The following ICA1 variants were observed in gnomAD, a reference collection of about 807,000 sequenced individuals.
ICA1 encodes 69 kDa islet cell autoantigen.
In ICA1, 40 loss-of-function variants were observed where a neutral mutation model predicts 71.0. The observed-to-expected ratio is 0.56, with a 90% CI of 0.44 to 0.73. The LOEUF (loss-of-function observed/expected upper bound fraction) is 0.73, where lower values mean the gene tolerates loss of function less well. ICA1 is among the 30% of genes least tolerant of loss of function. ICA1 has a pLI of 0.00. For missense variants in ICA1, 578 were observed against 576.5 expected (o/e 1.00, Z -0.03); for synonymous variants, 207 against 209.5 (o/e 0.99, Z 0.10).
At chr7:8,189,257 A>G (rs540810373) in intron 6 of ICA1, among the ~76,000 whole-genome samples, 1 of 152,356 alleles carries the variant, frequency 6.6e-6, no homozygotes, top group Non-Finnish European at 1.5e-5. Context: ...CTCTGAATGA[A>G]TAAAATGAGG....
chr7:8,164,809 G>A (rs1489249284), intron 6 of ICA1, among the ~76,000 whole-genome samples: 2 of 152,200 alleles, frequency 1.3e-5, no homozygotes, highest in African/African-American at 4.8e-5. Flanking sequence ...TGGGTACAGT[G>A]CTGCATACTG....
chr7:8,235,807 T>C, intron 2 of ICA1, 103 bp downstream of exon 2: 1 of 1,212,614 alleles, frequency 8.2e-7, no homozygotes, highest in Middle Eastern at 2.0e-4. Context: ...ACATGATACT[T>C]ACTGCCAATG....
rs17145042 is a variant in ICA1 at position 8,208,213 on chromosome 7, G to A, written c.579+10092C>T. Among the ~76,000 whole-genome samples the A allele has an allele frequency of 0.019, 2,825 of 152,114 alleles. 276 individuals are homozygous for A. In the East Asian group the frequency reaches 0.31, roughly 17 times the overall value. ...TAAAAGTGGCAATCTAGGCAACCACGAAACCATTATTTTTGCAGTCACCGA... is the reference window on the plus strand; with the variant it reads ...TAAAAGTGGCAATCTAGGCAACCACAAAACCATTATTTTTGCAGTCACCGA... On this transcript the variant is annotated intron_variant, in intron 6 of 13. Coordinates refer to ENST00000402384, the MANE Select transcript of ICA1 (RefSeq NM_001136020.3).
intron 6 of ICA1, among the ~76,000 whole-genome samples, chr7:8,207,362 G>A (rs1410277762): frequency 6.6e-6 from 1 of 152,098 alleles, no homozygotes; most frequent in Non-Finnish European, 1.5e-5. Flanking sequence ...CTTCTTTTTA[G>A]GGCTCCCTGA....
At chr7:8,195,932 C>T (rs1436868490) in intron 6 of ICA1, among the ~76,000 whole-genome samples, 1 of 152,076 alleles carries the variant, frequency 6.6e-6, no homozygotes, top group African/African-American at 2.4e-5. Context: ...GAGCTGAGAT[C>T]GTGCCACTGC....
intron 1 of ICA1, among the ~76,000 whole-genome samples, chr7:8,243,142 A>C (rs1047228889): frequency 6.6e-6 from 1 of 152,248 alleles, no homozygotes; most frequent in Non-Finnish European, 1.5e-5. Context: ...TATATCCCTG[A>C]TAAACATCAG....
Position 8,113,578 on chromosome 7 carries a change from G to A in ICA1, c.*345C>T, listed in dbSNP as rs1235747387. On this transcript the variant is annotated 3_prime_UTR_variant, in exon 14 of 14. Coordinates refer to ENST00000402384, the MANE Select transcript of ICA1 (RefSeq NM_001136020.3). This position sits in a 1 kb window ranked among gnomAD's most constrained non-coding sequence, Gnocchi z 4.2. ...TGCTGCCTCTGAGGCTGTAGGACAC[G>A]TCATTCAAACCTACCATCAAAGTAG... The A allele has an allele frequency of 3.1e-5, 6 of 196,180 alleles. No individual in the cohort carries two copies. Among genetic ancestry groups the A allele is most frequent in the East Asian group, 1.3e-4 (1 of 7,654 alleles). 12.2% of individuals were successfully genotyped at this position (196,180 alleles called of 1,614,324 possible). A position where few individuals can be genotyped will look rare whatever the true frequency, so the allele number is the denominator to read the frequency against.
chr7:8,124,111 A>ATTTTTT (rs536582712), intron 13 of ICA1, among the ~76,000 whole-genome samples: 2 of 107,412 alleles, frequency 1.9e-5, no homozygotes, highest in Non-Finnish European at 3.7e-5. Context: ...GAATCATACA[A>ATTTTTT]TTTTTTTTTT....
intron 6 of ICA1, among the ~76,000 whole-genome samples, chr7:8,168,275 T>G (rs532808616): frequency 6.6e-6 from 1 of 152,294 alleles, no homozygotes; most frequent in Admixed American, 6.5e-5. Flanking sequence ...CTTTTTAACT[T>G]TGATTACTCC....
At chr7:8,118,280 C>G (rs148924252) in intron 13 of ICA1, among the ~76,000 whole-genome samples, 1 of 152,108 alleles carries the variant, frequency 6.6e-6, no homozygotes, top group African/African-American at 2.4e-5. Context: ...TGAAAAAATA[C>G]GAAGAGTTCT....
intron 1 of ICA1, among the ~76,000 whole-genome samples, chr7:8,253,159 A>T (rs1038664569): frequency 6.6e-6 from 1 of 152,242 alleles, no homozygotes; most frequent in Non-Finnish European, 1.5e-5. Flanking sequence ...TAATTCTATA[A>T]CTTCGGTCAC....
intron 13 of ICA1, chr7:8,116,645 T>C (rs577327269): frequency 6.6e-6 from 1 of 152,362 alleles, no homozygotes; most frequent in East Asian, 1.9e-4. Flanking sequence ...TTATCAGTGG[T>C]GCTCTAAGGA....
At chr7:8,249,698 A>G (rs1358421829) in intron 1 of ICA1, among the ~76,000 whole-genome samples, 1 of 152,224 alleles carries the variant, frequency 6.6e-6, no homozygotes, top group Non-Finnish European at 1.5e-5. Context: ...TCATCTGGAA[A>G]TATGACCAGT....
chr7:8,251,405 C>T (rs1008985222), intron 1 of ICA1, among the ~76,000 whole-genome samples: 6 of 149,904 alleles, frequency 4.0e-5, no homozygotes, highest in East Asian at 3.9e-4. Context: ...ATCACTTCAG[C>T]GATCTGGCTT....
chr7:8,118,423 G>C (rs922645715), intron 13 of ICA1, among the ~76,000 whole-genome samples: 1 of 152,212 alleles, frequency 6.6e-6, no homozygotes, highest in Admixed American at 6.5e-5. Flanking sequence ...TGTGGTGAAG[G>C]CTGCACAATA....
chr7:8,164,636 G>A (rs532455362), intron 6 of ICA1, among the ~76,000 whole-genome samples: 1 of 152,276 alleles, frequency 6.6e-6, no homozygotes, highest in Non-Finnish European at 1.5e-5. Flanking sequence ...GTCATTAACT[G>A]GATCTGTTCA....
chr7:8,177,624 T>C (rs881452), intron 6 of ICA1, among the ~76,000 whole-genome samples: 13 of 152,246 alleles, frequency 8.5e-5, no homozygotes, highest in African/African-American at 3.1e-4. Context: ...AAGAATTTGC[T>C]TCTGTCTCTT....
chr7:8,125,781 A>G (rs1367772896), intron 13 of ICA1, among the ~76,000 whole-genome samples: 1 of 152,214 alleles, frequency 6.6e-6, no homozygotes, highest in Admixed American at 6.5e-5. Context: ...TGCTAGTAGG[A>G]TGGCAACCTC....
At chr7:8,129,690 G>T (rs1240531440) in intron 12 of ICA1, among the ~76,000 whole-genome samples, 2 of 152,162 alleles carry the variant, frequency 1.3e-5, no homozygotes, top group African/African-American at 4.8e-5. Flanking sequence ...TTCTGAGACA[G>T]TGTGATTTTT....
Sources: allele counts gnomAD v4.1 joint callset (sites outside exome capture counted in the v4.1 genomes callset), GRCh38; gene constraint gnomAD v4.1.1; non-coding constraint Gnocchi (gnomAD v3.1); transcripts MANE v1.5; gene names NCBI Gene and HGNC (gene_info 2026-07-23, HGNC 2026-07-21).